Variants in CCDC149 observed in about 807,000 individuals in gnomAD.
The protein encoded by CCDC149 is coiled-coil domain containing 149.
Under a neutral mutation model 59.9 loss-of-function variants are expected in CCDC149, and 45 were observed. The ratio of observed to expected loss-of-function variants is 0.75; its 90% CI spans 0.59 to 0.96. The LOEUF is 0.96. Ranked by LOEUF, CCDC149 falls within the 40% of genes least tolerant of loss-of-function variation. The pLI, the probability that CCDC149 is intolerant of heterozygous loss-of-function variation, is 0.00. For missense variants in CCDC149, 584 were observed against 664.7 expected (o/e 0.88, Z 1.33); for synonymous variants, 245 against 260.6 (o/e 0.94, Z 0.58).
At chr4:24,846,351 G>A (rs964946082) in intron 4 of CCDC149, among the ~76,000 whole-genome samples, 16 of 152,168 alleles carry the variant, frequency 1.1e-4, no homozygotes, top group Admixed American at 7.2e-4. Context: ...AGTGCCCCAA[G>A]GCGAGAGCTT....
rs914776539 is a variant in CCDC149 at position 24,858,705 on chromosome 4, C to T, written c.265-5526G>A. Among the ~76,000 whole-genome samples the T allele has an allele frequency of 2.0e-5, 3 of 152,188 alleles. No individual in the cohort carries two copies. In the East Asian group the frequency reaches 5.8e-4, roughly 29 times the overall value. ...TGCCTGCAGAAGCAATTCACCAAAGCCAGCCCTGGGTGTGGGAACTGGGAG... is the reference window on the plus strand; with the variant it reads ...TGCCTGCAGAAGCAATTCACCAAAGTCAGCCCTGGGTGTGGGAACTGGGAG... On this transcript the variant is annotated intron_variant, in intron 3 of 12. Coordinates refer to ENST00000635206, the MANE Select transcript of CCDC149 (RefSeq NM_001330643.2).
chr4:24,931,312 T>A (rs551891180), intron 1 of CCDC149, among the ~76,000 whole-genome samples: 2,269 of 143,554 alleles, frequency 0.016, 71 homozygotes, highest in African/African-American at 0.056. Flanking sequence ...TATTTTAAAA[T>A]ATATATATAT....
At chr4:24,820,391 T>C (rs1000989528) in intron 11 of CCDC149, among the ~76,000 whole-genome samples, 1 of 152,184 alleles carries the variant, frequency 6.6e-6, no homozygotes, top group African/African-American at 2.4e-5. Context: ...GAAAGAGACA[T>C]TGATTCTTCC....
chr4:24,974,927 G>C (rs1181887277), intron 1 of CCDC149, among the ~76,000 whole-genome samples: 1 of 152,188 alleles, frequency 6.6e-6, no homozygotes, highest in South Asian at 2.1e-4. Context: ...GCTATAGTTT[G>C]AATGTGTCCC....
At chr4:24,919,435 C>T (rs774836403) in intron 1 of CCDC149, among the ~76,000 whole-genome samples, 3 of 152,118 alleles carry the variant, frequency 2.0e-5, no homozygotes, top group Non-Finnish European at 2.9e-5. Context: ...ATTGGGTACA[C>T]ATAAAAATGG....
Position 24,912,983 on chromosome 4 carries a change from C to G in CCDC149, c.-104G>C, listed in dbSNP as rs2109330729. 2.7e-6 allele frequency: 1 copy of G among 369,292 alleles called. No homozygotes were observed. Among genetic ancestry groups the G allele is most frequent in the Non-Finnish European group, 3.9e-6 (1 of 257,646 alleles). 22.9% of individuals were successfully genotyped at this position (369,292 alleles called of 1,614,324 possible). On this transcript the variant is annotated 5_prime_UTR_variant, in exon 1 of 13. Transcript: ENST00000635206. ...CGGCCCCGAGAGGGCCCGGCGCCTCCGAGCCGCTGCGCCGCCGCCTCTCGC... is the reference window on the plus strand; with the variant it reads ...CGGCCCCGAGAGGGCCCGGCGCCTCGGAGCCGCTGCGCCGCCGCCTCTCGC...
chr4:24,859,530 C>G (rs1231604360), intron 3 of CCDC149, among the ~76,000 whole-genome samples: 1 of 152,134 alleles, frequency 6.6e-6, no homozygotes, highest in Non-Finnish European at 1.5e-5. Flanking sequence ...CCCCTGAGAA[C>G]TGGAACAAGA....
At chr4:24,835,628 A>C (rs973764086) in intron 7 of CCDC149, among the ~76,000 whole-genome samples, 2 of 152,240 alleles carry the variant, frequency 1.3e-5, no homozygotes, top group African/African-American at 4.8e-5. Flanking sequence ...TGTATTAATT[A>C]TACAACTTTA....
chr4:24,848,799 G>GT (rs1423787981), intron 4 of CCDC149, among the ~76,000 whole-genome samples: 1 of 152,152 alleles, frequency 6.6e-6, no homozygotes, highest in African/African-American at 2.4e-5. Flanking sequence ...AGAGAAATCT[G>GT]TGCTAGTTTT....
chr4:24,847,423 T>C (rs1384909299), intron 4 of CCDC149, among the ~76,000 whole-genome samples: 3 of 152,220 alleles, frequency 2.0e-5, no homozygotes, highest in Non-Finnish European at 2.9e-5. Flanking sequence ...CACTGTCTGA[T>C]GAAATTACTT....
intron 1 of CCDC149, among the ~76,000 whole-genome samples, chr4:24,886,662 T>C (rs1577451883): frequency 1.3e-5 from 2 of 152,216 alleles, no homozygotes; most frequent in East Asian, 3.8e-4. Flanking sequence ...GTTTTTTGAA[T>C]AAAGATTGAA....
At chr4:24,975,804 A>G (rs891022332) in intron 1 of CCDC149, among the ~76,000 whole-genome samples, 2 of 129,674 alleles carry the variant, frequency 1.5e-5, no homozygotes, top group Admixed American at 7.1e-5. Flanking sequence ...TTCTCTGCCA[A>G]TCCCGCATCT....
intron 1 of CCDC149, among the ~76,000 whole-genome samples, chr4:24,921,207 T>C (rs984857765): frequency 2.6e-5 from 4 of 152,214 alleles, no homozygotes; most frequent in Non-Finnish European, 5.9e-5. Context: ...GGCACTTTTC[T>C]AAGCAGGTGA....
intron 1 of CCDC149, among the ~76,000 whole-genome samples, chr4:24,931,829 G>GTATATATATATATA (rs57205804): frequency 0.02 from 1,534 of 76,784 alleles, 112 homozygotes; most frequent in African/African-American, 0.035. Flanking sequence ...TGGAGAGTAT[G>GTATATATATATATA]TATATATATA....
chr4:24,816,538 T>C (rs541909201), intron 12 of CCDC149, among the ~76,000 whole-genome samples: 18 of 152,320 alleles, frequency 1.2e-4, no homozygotes, highest in Non-Finnish European at 2.2e-4. Flanking sequence ...TTAAAGATTC[T>C]AGAATCTTAA....
Position 24,822,557 on chromosome 4 carries a change from C to A in CCDC149, c.982G>T (p.Val328Leu), listed in dbSNP as rs1197229477. The change falls in exon 10 of 13, where the codon GTG becomes TTG. Residue 328 changes from valine (V) to leucine (L), a missense_variant. Transcript: ENST00000635206. ...CTTAATTTTTTTTCCAGCTCAGCCA[C>A]CCGATTCCCTAGGATTCTGAAAAAA... The A allele has an allele frequency of 1.3e-6, 2 of 1,534,412 alleles. No homozygotes were observed. Among genetic ancestry groups the A allele is most frequent in the Non-Finnish European group, 1.8e-6 (2 of 1,139,362 alleles).
At chr4:24,954,690 C>A (rs936790542) in intron 1 of CCDC149, among the ~76,000 whole-genome samples, 9 of 152,160 alleles carry the variant, frequency 5.9e-5, no homozygotes, top group African/African-American at 2.2e-4. Flanking sequence ...AGTCCTGAGG[C>A]CCCCTCCCTA....
At chr4:24,907,093 C>A (rs956708630) in intron 1 of CCDC149, among the ~76,000 whole-genome samples, 2 of 152,172 alleles carry the variant, frequency 1.3e-5, no homozygotes, top group Non-Finnish European at 2.9e-5. Context: ...AACTTGTAAT[C>A]AAAATTAAGG....
intron 12 of CCDC149, among the ~76,000 whole-genome samples, chr4:24,815,521 A>T (rs1358316240): frequency 6.6e-6 from 1 of 152,220 alleles, no homozygotes; most frequent in African/African-American, 2.4e-5. Context: ...CCTTCTGGAA[A>T]TTACTCTTAT....
Sources: allele counts gnomAD v4.1 joint callset (sites outside exome capture counted in the v4.1 genomes callset), GRCh38; gene constraint gnomAD v4.1.1; transcripts MANE v1.5; gene names NCBI Gene and HGNC (gene_info 2026-07-23, HGNC 2026-07-21).